GPC5: variants seen among roughly 807,000 people sequenced by gnomAD.
The protein encoded by GPC5 is glypican-5.
A neutral mutation model predicts 53.9 loss-of-function variants in GPC5; 47 were observed. The observed-to-expected ratio is 0.87, with a 90% CI of 0.69 to 1.11. The LOEUF (loss-of-function observed/expected upper bound fraction) is 1.11. Ranked by LOEUF, GPC5 falls within the 50% of genes most tolerant of loss-of-function variation. The probability of loss-of-function intolerance (pLI) is 0.00; values close to 1 mark genes in which losing one functional copy is unlikely to be tolerated. For synonymous variants in GPC5, 286 were observed against 263.3 expected (o/e 1.09, Z -0.84); for missense variants, 748 against 713.1 (o/e 1.05, Z -0.56).
intron 7 of GPC5, among the ~76,000 whole-genome samples, chr13:92,374,820 A>G (rs1594143523): frequency 6.7e-6 from 1 of 148,698 alleles, no homozygotes; most frequent in African/African-American, 2.5e-5. Context: ...AACCTGCACA[A>G]TGTGCACATG....
At chr13:91,577,804 C>A (rs879273932) in intron 2 of GPC5, among the ~76,000 whole-genome samples, 1 of 152,216 alleles carries the variant, frequency 6.6e-6, no homozygotes, top group East Asian at 1.9e-4. Flanking sequence ...TCTCCTGACA[C>A]CTCTTACCCT....
chr13:92,661,305 TA>T (rs1211262650), intron 7 of GPC5, among the ~76,000 whole-genome samples: 2 of 148,412 alleles, frequency 1.3e-5, no homozygotes, highest in African/African-American at 5.0e-5. Flanking sequence ...AAAAAAAACA[TA>T]AAAACTGACA....
chr13:91,432,714 G>C (rs537388000), intron 1 of GPC5, among the ~76,000 whole-genome samples: 1 of 151,992 alleles, frequency 6.6e-6, no homozygotes, highest in Non-Finnish European at 1.5e-5. Context: ...TTATAGGACA[G>C]TGCCTGTATT....
intron 5 of GPC5, among the ~76,000 whole-genome samples, chr13:91,763,884 T>C (rs1237605180): frequency 2.6e-5 from 4 of 152,204 alleles, no homozygotes; most frequent in African/African-American, 9.6e-5. Context: ...GTCCCAGCTA[T>C]AAAATGGGGT....
intron 7 of GPC5, among the ~76,000 whole-genome samples, chr13:92,351,059 T>C (rs890063011): frequency 6.6e-6 from 1 of 152,040 alleles, no homozygotes; most frequent in Non-Finnish European, 1.5e-5. Flanking sequence ...GAAGCTTTGC[T>C]GCACAAATAT....
At chr13:92,618,145 T>A (rs186830886) in intron 7 of GPC5, among the ~76,000 whole-genome samples, 6 of 152,160 alleles carry the variant, frequency 3.9e-5, no homozygotes, top group Non-Finnish European at 8.8e-5. Context: ...TGATTTTTAC[T>A]AAGTAACCTA....
chr13:92,388,561 G>A (rs1298748328), intron 7 of GPC5, among the ~76,000 whole-genome samples: 1 of 152,050 alleles, frequency 6.6e-6, no homozygotes, highest in Admixed American at 6.6e-5. Context: ...TAAACAGGTT[G>A]GATGTATTGT....
intron 5 of GPC5, among the ~76,000 whole-genome samples, chr13:91,816,889 G>C (rs117041532): frequency 6.6e-6 from 1 of 152,070 alleles, no homozygotes; most frequent in African/African-American, 2.4e-5. Flanking sequence ...ATTAACCTGG[G>C]TATGGCTCAG....
In GPC5 at chr13:92,000,048, A is replaced by G. The variant is rs188441700; in HGVS notation, c.1401+91991A>G. Among the ~76,000 whole-genome samples the G allele has an allele frequency of 3.1e-3, 470 of 152,342 alleles. 3 individuals carry two copies. The highest frequency in any genetic ancestry group is 0.011 in the African/African-American group (452 of 41,590). On this transcript the variant is annotated intron_variant, in intron 6 of 7. Coordinates refer to ENST00000377067, the MANE Select transcript of GPC5 (RefSeq NM_004466.6). ...CAAGAGCTTGTATTCTTGAAGATGA[A>G]ATAAGATCTAACATTTTCAAGAATG... is the stretch of plus-strand genomic sequence containing the variant.
intron 7 of GPC5, among the ~76,000 whole-genome samples, chr13:92,717,497 C>T (rs1294983359): frequency 6.6e-6 from 1 of 152,038 alleles, no homozygotes; most frequent in Admixed American, 6.6e-5. Flanking sequence ...CTCTCAGATC[C>T]AGAATTAATT....
chr13:92,612,094 T>C (rs539405321), intron 7 of GPC5, among the ~76,000 whole-genome samples: 1 of 152,118 alleles, frequency 6.6e-6, no homozygotes, highest in African/African-American at 2.4e-5. Flanking sequence ...GTATGAAAAA[T>C]ATTACTGCAG....
At position 91,909,780 on chromosome 13, in the gene GPC5, C is replaced by A. The variant is rs1196891398; in HGVS notation, c.1401+1723C>A. 2.8e-4 allele frequency among the ~76,000 whole-genome samples: 43 copies of A among 151,982 alleles called. 1 individual carries two copies. The highest frequency in any genetic ancestry group is 2.8e-3 in the Admixed American group (42 of 15,236). ...CCCAATATAAAAAGGATTATAGAAA[C>A]CCTTAGGAGGAGGGTTCACATATTT... is the stretch of plus-strand genomic sequence containing the variant. On this transcript the variant is annotated intron_variant, in intron 6 of 7. Transcript: ENST00000377067.
intron 7 of GPC5, among the ~76,000 whole-genome samples, chr13:92,852,078 G>T (rs190281789): frequency 4.1e-4 from 62 of 152,226 alleles, no homozygotes; most frequent in South Asian, 1.5e-3. Context: ...ACAACAGGAA[G>T]TCCAGAGGCA....
At chr13:91,725,952 T>C (rs2036567633) in intron 3 of GPC5, among the ~76,000 whole-genome samples, 1 of 152,216 alleles carries the variant, frequency 6.6e-6, no homozygotes, top group Non-Finnish European at 1.5e-5. Flanking sequence ...TGCTTCTTTA[T>C]TTCAAACTGT....
intron 7 of GPC5, among the ~76,000 whole-genome samples, chr13:92,734,724 T>G (rs1253756737): frequency 2.6e-5 from 4 of 151,950 alleles, no homozygotes; most frequent in Non-Finnish European, 5.9e-5. Flanking sequence ...TTTTCTTTGT[T>G]GCTTTTCAGT....
chr13:92,146,264 T>C (rs1485089379), intron 7 of GPC5, among the ~76,000 whole-genome samples: 1 of 152,110 alleles, frequency 6.6e-6, no homozygotes, highest in African/African-American at 2.4e-5. Flanking sequence ...TCTCCTTTTT[T>C]TCTTTCTTTG....
chr13:92,729,041 T>C lies in GPC5; in HGVS notation c.1562-137241T>C, dbSNP rs146027876. Among the ~76,000 whole-genome samples the C allele has an allele frequency of 9.4e-3, 1,419 of 151,406 alleles. 46 individuals carry two copies. Among genetic ancestry groups the C allele is most frequent in the Admixed American group, 0.06 (914 of 15,112 alleles). Reference sequence around the variant, plus strand: ...GTGCTTTGCTTGCTTCATCTCCCTCTGCCCATTCTGCACAATTTATCTGTA... The same window carrying C: ...GTGCTTTGCTTGCTTCATCTCCCTCCGCCCATTCTGCACAATTTATCTGTA... On this transcript the variant is annotated intron_variant, in intron 7 of 7. Coordinates refer to ENST00000377067, the MANE Select transcript of GPC5 (RefSeq NM_004466.6).
At chr13:92,538,390 T>A (rs1881795900) in intron 7 of GPC5, among the ~76,000 whole-genome samples, 1 of 151,302 alleles carries the variant, frequency 6.6e-6, no homozygotes, top group Non-Finnish European at 1.5e-5. Context: ...CTCTCTTGCT[T>A]CACTCCTTCA....
chr13:92,479,269 A>G (rs1395096563), intron 7 of GPC5, among the ~76,000 whole-genome samples: 2 of 152,156 alleles, frequency 1.3e-5, no homozygotes, highest in South Asian at 4.1e-4. Context: ...AGGAGACAGT[A>G]AGAGAGTTTC....
Sources: gnomAD v4.1 joint callset for allele counts (sites outside exome capture counted in the v4.1 genomes callset) on GRCh38, gnomAD v4.1.1 for gene constraint, MANE v1.5 for transcripts, NCBI Gene and HGNC (gene_info 2026-07-23, HGNC 2026-07-21) for gene names.